The following RMDN1 variants were observed in gnomAD, a reference collection of about 807,000 sequenced individuals.
RMDN1 encodes regulator of microtubule dynamics 1.
In RMDN1, 48 loss-of-function variants were observed where a neutral mutation model predicts 48.9. That is an observed-to-expected ratio of 0.98 (90% CI 0.78 to 1.25). The LOEUF is 1.25. RMDN1 is among the 50% of genes most tolerant of loss of function. The pLI is 0.00. For missense variants in RMDN1, 418 were observed against 373.4 expected, an observed-to-expected ratio of 1.12 and a Z score of -0.98; for synonymous variants, 148 against 132.6, an observed-to-expected ratio of 1.12 and a Z score of -0.80.
At chr8:86,487,521 G>C (rs996042231) in intron 3 of RMDN1, among the ~76,000 whole-genome samples, 4 of 152,170 alleles carry the variant, frequency 2.6e-5, no homozygotes, top group Non-Finnish European at 5.9e-5. Flanking sequence ...CTGGAGGGTA[G>C]AGGTTGCAGT....
In RMDN1 at chr8:86,485,075, G is replaced by T. The variant is rs951529651; in HGVS notation, c.496-114C>A. ...TTCTCATCCAACAAAAAGTTACTGA[G>T]CATAAAAACTGTATTAAATGTAATG... On this transcript the variant is annotated intron_variant, in intron 4 of 9. Transcript: ENST00000406452. 2.7e-5 allele frequency: 16 copies of T among 582,636 alleles called. No homozygotes were observed. The African/African-American group carries it at 2.9e-4, about 10-fold the overall frequency. 36.1% of individuals were successfully genotyped at this position (582,636 alleles called of 1,614,324 possible). A position where few individuals can be genotyped will look rare whatever the true frequency, so the allele number is the denominator to read the frequency against.
intron 5 of RMDN1, chr8:86,483,070 G>A (rs1814835666): frequency 4.4e-6 from 2 of 452,088 alleles, no homozygotes. Flanking sequence ...GTACTTTCAA[G>A]CAAACTCTTT....
rs1302463341 is a variant in RMDN1 at position 86,488,578 on chromosome 8, A to C, written c.309T>G (p.Tyr103Ter). 6.2e-7 allele frequency: 1 copy of C among 1,610,422 alleles called. No individual in the cohort carries two copies. The highest frequency in any genetic ancestry group is 2.2e-5 in the East Asian group (1 of 44,548). ...TTTCCTTGTATTGGGTTAGCAACTG[A>C]TAAAGTTTTTCTGTTTCTCCGCTTT... is the stretch of plus-strand genomic sequence containing the variant. ...LYESGETEKLYQLLTQYKESE... is the reference protein window; with the variant it reads ...LYESGETEKL The change falls in exon 3 of 10, where the codon TAT becomes TAG. Residue 103 changes from tyrosine (Y) to a stop codon, truncating the protein, a stop_gained. Transcript: ENST00000406452. LOFTEE classifies it high-confidence loss of function.
intron 2 of RMDN1, among the ~76,000 whole-genome samples, chr8:86,506,327 G>A (rs1301933340): frequency 6.6e-6 from 1 of 152,132 alleles, no homozygotes; most frequent in Non-Finnish European, 1.5e-5. Flanking sequence ...CCTCAGCTCT[G>A]GGATTTTTTT....
intron 8 of RMDN1, 101 bp downstream of exon 8, chr8:86,477,193 A>G (rs1813521225): frequency 5.0e-6 from 4 of 793,740 alleles, no homozygotes; most frequent in Non-Finnish European, 5.7e-6. Context: ...AAAAATAAGT[A>G]TAACAGAATA....
chr8:86,483,502 A>G (rs1194566793), intron 5 of RMDN1, among the ~76,000 whole-genome samples: 1 of 145,536 alleles, frequency 6.9e-6, no homozygotes, highest in African/African-American at 2.4e-5. Context: ...ATCACTGCCA[A>G]CTACAATGTA....
chr8:86,493,043 A>T (rs1422373069), intron 2 of RMDN1, among the ~76,000 whole-genome samples: 2 of 152,002 alleles, frequency 1.3e-5, no homozygotes, highest in Non-Finnish European at 2.9e-5. Flanking sequence ...TATAGGACAA[A>T]GAAAAACTTC....
chr8:86,470,444 G>C (rs1812445776), downstream of RMDN1: 1 of 1,243,010 alleles, frequency 8.0e-7, no homozygotes. Context: ...TTAGTGCACA[G>C]AATCAGAATC....
chr8:86,469,191 C>CA (rs896886333), downstream of RMDN1, among the ~76,000 whole-genome samples: 10 of 151,446 alleles, frequency 6.6e-5, no homozygotes, highest in Non-Finnish European at 8.8e-5. Flanking sequence ...TCCCGCCCCC[C>CA]CCATGTACTT....
intron 2 of RMDN1, chr8:86,505,414 T>A (rs1441993200): frequency 4.4e-6 from 2 of 456,044 alleles, no homozygotes; most frequent in Non-Finnish European, 8.8e-6. Context: ...TAAGGCGCAG[T>A]TCCCCCAACC....
intron 2 of RMDN1, among the ~76,000 whole-genome samples, chr8:86,496,763 G>A: frequency 6.6e-6 from 1 of 152,146 alleles, no homozygotes; most frequent in African/African-American, 2.4e-5. Context: ...AAATATTCAG[G>A]ATCTAAAGTT....
chr8:86,483,065 T>C (rs1814834282), intron 5 of RMDN1: 1 of 463,544 alleles, frequency 2.2e-6, no homozygotes, highest in Non-Finnish European at 3.8e-6. Flanking sequence ...GAGGGGTACT[T>C]TCAAGCAAAC....
chr8:86,488,695 T>C (rs1815929072), intron 2 of RMDN1, 56 bp from the exon 3 acceptor site: 5 of 1,191,304 alleles, frequency 4.2e-6, no homozygotes, highest in Admixed American at 2.1e-5. Context: ...CCAAGTCAGA[T>C]GACAATAATT....
chr8:86,468,619 T>C (rs1354820166), downstream of RMDN1: 2 of 449,466 alleles, frequency 4.4e-6, no homozygotes, highest in African/African-American at 4.0e-5. Flanking sequence ...CAGATTTGAC[T>C]GAAGAAGGCA....
At chr8:86,509,374 G>A (rs933971386), upstream of RMDN1, among the ~76,000 whole-genome samples, 6 of 151,952 alleles carry the variant, frequency 3.9e-5, no homozygotes, top group Admixed American at 1.3e-4. Context: ...TATTTTACTC[G>A]AGTAAAATAA....
At position 86,506,977 on chromosome 8, in the gene RMDN1, T is replaced by C; in HGVS notation, c.247+18A>G. On this transcript the variant is annotated intron_variant, in intron 2 of 9. Coordinates refer to ENST00000406452, the MANE Select transcript of RMDN1 (RefSeq NM_016033.3). ...ACAAAAAAACTCTAAATGTTCCATA[T>C]ATCTAATTTATGCTTACCTTTGGCT... The C allele has an allele frequency of 7.5e-7, 1 of 1,327,498 alleles. No individual in the cohort carries two copies. Among genetic ancestry groups the C allele is most frequent in the East Asian group, 2.3e-5 (1 of 43,534 alleles). The allele number at this position is 1,327,498 out of a possible 1,614,324, so 82.2% of individuals were successfully genotyped here. A position where few individuals can be genotyped will look rare whatever the true frequency, so the allele number is the denominator to read the frequency against.
chr8:86,491,703 T>C (rs1474202907), intron 2 of RMDN1, among the ~76,000 whole-genome samples: 1 of 152,186 alleles, frequency 6.6e-6, no homozygotes, highest in Non-Finnish European at 1.5e-5. Flanking sequence ...TATAGTGAAA[T>C]CTTAAATGTA....
In RMDN1 at chr8:86,473,300, A is replaced by T; in HGVS notation, c.*1008T>A. On this transcript the variant is annotated 3_prime_UTR_variant, in exon 10 of 10. Transcript: ENST00000406452. ...AGATGCTCCTTTTTACAAAACTTAA[A>T]AAGATTTTGCAGTGGTGGCACTCCA... 1 of 985,424 alleles carries T rather than the reference A, an allele frequency of 1.0e-6. No individual in the cohort carries two copies. The highest frequency in any genetic ancestry group is 1.2e-6 in the Non-Finnish European group (1 of 829,926). The allele number at this position is 985,424 out of a possible 1,614,324, so 61.0% of individuals were successfully genotyped here.
At chr8:86,482,933 G>A in intron 5 of RMDN1, 1 of 841,336 alleles carries the variant, frequency 1.2e-6, no homozygotes. Context: ...TCCAGAGGCA[G>A]GTGGGCTCGG....
Sources: allele counts gnomAD v4.1 joint callset (sites outside exome capture counted in the v4.1 genomes callset), GRCh38; gene constraint gnomAD v4.1.1; transcripts MANE v1.5; gene names NCBI Gene and HGNC (gene_info 2026-07-23, HGNC 2026-07-21).